MROH1: variants seen among roughly 807,000 people sequenced by gnomAD.
MROH1 encodes maestro heat-like repeat-containing protein family member 1.
A neutral mutation model predicts 116.5 loss-of-function variants in MROH1; 117 were observed. That is an observed-to-expected ratio of 1.00 (90% CI 0.86 to 1.17). MROH1 has a LOEUF of 1.17. MROH1 is among the 50% of genes most tolerant of loss of function. The pLI is 0.00. For synonymous variants in MROH1, 921 were observed against 583.9 expected, an observed-to-expected ratio of 1.58 and a Z score of -8.32; for missense variants, 1,873 against 1,338.5, an observed-to-expected ratio of 1.40 and a Z score of -6.23.
intron 35 of MROH1, among the ~76,000 whole-genome samples, chr8:144,256,163 C>T (rs1389751153): frequency 1.3e-5 from 2 of 152,244 alleles, no homozygotes; most frequent in East Asian, 3.9e-4. Context: ...AGGTGCCTGA[C>T]ATGAAGCATT....
rs893071322 is a variant in MROH1 at position 144,259,496 on chromosome 8, C to T, written c.4044+142C>T. On this transcript the variant is annotated intron_variant, in intron 37 of 43. Coordinates refer to ENST00000326134, the MANE Select transcript of MROH1 (RefSeq NM_032450.3). Reference sequence around the variant, plus strand: ...GTTATGTGGATGCTAGCTACCTCCTCCCCCATGCCAGAACTCACTCAGTCC... The same window carrying T: ...GTTATGTGGATGCTAGCTACCTCCTTCCCCATGCCAGAACTCACTCAGTCC... 1.0e-5 allele frequency: 7 copies of T among 681,456 alleles called. No homozygotes were observed. The Admixed American group carries it at 1.4e-4, about 14-fold the overall frequency. The allele number at this position is 681,456 out of a possible 1,614,324, so 42.2% of individuals were successfully genotyped here. A position where few individuals can be genotyped will look rare whatever the true frequency, so the allele number is the denominator to read the frequency against.
chr8:144,165,256 T>G (rs1020443957), intron 3 of MROH1, among the ~76,000 whole-genome samples: 8 of 151,648 alleles, frequency 5.3e-5, no homozygotes, highest in Non-Finnish European at 1.2e-4. Flanking sequence ...GCAGCTGGGA[T>G]TACAGGTGCC....
At chr8:144,191,595 C>T (rs1353630633) in intron 8 of MROH1, 120 bp from the exon 9 acceptor site, 20 of 1,355,058 alleles carry the variant, frequency 1.5e-5, no homozygotes, top group South Asian at 4.2e-5. Flanking sequence ...TCCCAGCCCC[C>T]GTAGCACCCA....
At chr8:144,206,991 T>A (rs1832965140) in intron 12 of MROH1, among the ~76,000 whole-genome samples, 1 of 150,198 alleles carries the variant, frequency 6.7e-6, no homozygotes, top group Non-Finnish European at 1.5e-5. Context: ...CAAGATTGCA[T>A]CACTGCGCTC....
At chr8:144,214,144 G>A (rs1370818752) in intron 12 of MROH1, 1 of 152,126 alleles carries the variant, frequency 6.6e-6, no homozygotes, top group Non-Finnish European at 1.5e-5. Context: ...GGCCACACTC[G>A]GCTGCCTGAT....
chr8:144,223,909 A>G (rs1837307273), intron 14 of MROH1, among the ~76,000 whole-genome samples: 1 of 152,188 alleles, frequency 6.6e-6, no homozygotes, highest in Non-Finnish European at 1.5e-5. Flanking sequence ...CTGTGCCTCA[A>G]GTGGGATACG....
intron 1 of MROH1, among the ~76,000 whole-genome samples, chr8:144,155,221 G>A (rs1817748763): frequency 6.6e-6 from 1 of 152,206 alleles, no homozygotes; most frequent in African/African-American, 2.4e-5. Flanking sequence ...AAAGTGCTGG[G>A]ATTACAGGTG....
intron 14 of MROH1, among the ~76,000 whole-genome samples, chr8:144,223,955 C>T (rs1043184254): frequency 2.0e-5 from 3 of 152,238 alleles, no homozygotes; most frequent in Non-Finnish European, 4.4e-5. Context: ...TCAGTGACTG[C>T]ATGCTGTGAT....
intron 12 of MROH1, among the ~76,000 whole-genome samples, chr8:144,202,512 C>G (rs569230231): frequency 7.4e-6 from 1 of 134,306 alleles, no homozygotes; most frequent in African/African-American, 2.9e-5. Context: ...GGAGAACGGG[C>G]TCTCTGTGGA....
At chr8:144,245,997 ATCTTT>A in intron 29 of MROH1, among the ~76,000 whole-genome samples, 1 of 150,598 alleles carries the variant, frequency 6.6e-6, no homozygotes, top group Non-Finnish European at 1.5e-5. Flanking sequence ...CACCAAAACT[ATCTTT>A]TCTTTTTTTT....
At chr8:144,167,875 A>T (rs1423814273) in intron 3 of MROH1, among the ~76,000 whole-genome samples, 1 of 152,168 alleles carries the variant, frequency 6.6e-6, no homozygotes, top group Admixed American at 6.5e-5. Context: ...GCCTGGGCAT[A>T]GACCCTCGGG....
rs1554834916 is a variant in MROH1, at chr8:144,260,063, G to T, written c.4191+6G>T. On this transcript the variant is annotated splice_donor_region_variant and intron_variant, in intron 38 of 43. Coordinates refer to ENST00000326134, the MANE Select transcript of MROH1 (RefSeq NM_032450.3). ...CCTCCGGCTGCCCTGACAAGGTGGG[G>T]TGGCCACCAGCCCCTCTGGGTCCCA... 1 of 727,120 alleles carries T rather than the reference G, an allele frequency of 1.4e-6. No homozygotes were observed. The highest frequency in any genetic ancestry group is 1.4e-5 in the South Asian group (1 of 69,830). 45.0% of individuals were successfully genotyped at this position (727,120 alleles called of 1,614,324 possible). A position where few individuals can be genotyped will look rare whatever the true frequency, so the allele number is the denominator to read the frequency against.
chr8:144,242,149 G>A (rs1054621308), intron 22 of MROH1: 284 of 636,360 alleles, frequency 4.5e-4, no homozygotes, highest in Non-Finnish European at 3.8e-4. Flanking sequence ...TACCCAGTGG[G>A]CCCATGCCTG....
chr8:144,187,676 G>A (rs934267141), intron 7 of MROH1, among the ~76,000 whole-genome samples: 21 of 152,332 alleles, frequency 1.4e-4, no homozygotes, highest in African/African-American at 5.1e-4. Context: ...TCTGATGAGA[G>A]TCCCGCAGGG....
At chr8:144,149,271 T>G (rs1262272180) in intron 1 of MROH1, among the ~76,000 whole-genome samples, 2 of 152,162 alleles carry the variant, frequency 1.3e-5, no homozygotes, top group Non-Finnish European at 2.9e-5. Flanking sequence ...AGTCTCAGGC[T>G]CTCAGGGTCC....
chr8:144,247,549 A>T lies in MROH1; in HGVS notation c.3008-18A>T, dbSNP rs1698222948. 1.3e-6 allele frequency: 1 copy of T among 769,452 alleles called. No homozygotes were observed. The highest frequency in any genetic ancestry group is 2.4e-6 in the Non-Finnish European group (1 of 414,568). 47.7% of individuals were successfully genotyped at this position (769,452 alleles called of 1,614,324 possible). A position where few individuals can be genotyped will look rare whatever the true frequency, so the allele number is the denominator to read the frequency against. The stretch of plus-strand genomic sequence containing the variant: ...AGGGAGGGCCTGGGCCCGACTGCTC[A>T]TTCCTGCCGCCTCTCAGGCTTCTCC... On this transcript the variant is annotated intron_variant, in intron 30 of 43. Coordinates refer to ENST00000326134, the MANE Select transcript of MROH1 (RefSeq NM_032450.3).
intron 4 of MROH1, among the ~76,000 whole-genome samples, chr8:144,176,782 T>G (rs1824067634): frequency 6.6e-6 from 1 of 150,738 alleles, no homozygotes. Context: ...TGAGTTGAGA[T>G]TGTGCCACTG....
chr8:144,206,389 G>C (rs1230846883), intron 12 of MROH1, among the ~76,000 whole-genome samples: 1 of 148,464 alleles, frequency 6.7e-6, no homozygotes, highest in African/African-American at 2.5e-5. Context: ...AAAGTTATTT[G>C]TTTTCCTGTT....
At chr8:144,212,105 A>G (rs1007774536) in intron 12 of MROH1, among the ~76,000 whole-genome samples, 1 of 66,452 alleles carries the variant, frequency 1.5e-5, no homozygotes, top group South Asian at 4.8e-4. Context: ...TGTTTTTGAG[A>G]TGGAGTCTCA....
Sources: allele counts gnomAD v4.1 joint callset (sites outside exome capture counted in the v4.1 genomes callset), GRCh38; gene constraint gnomAD v4.1.1; transcripts MANE v1.5; gene names NCBI Gene and HGNC (gene_info 2026-07-23, HGNC 2026-07-21).